DCC: variants seen among roughly 807,000 people sequenced by gnomAD.
The protein encoded by DCC is DCC netrin 1 receptor, also known as netrin receptor DCC.
Under a neutral mutation model 172.5 loss-of-function variants are expected in DCC, and 58 were observed. That is an observed-to-expected ratio of 0.34 (90% CI 0.27 to 0.42). DCC has a LOEUF of 0.42. Among genes scored for constraint, DCC ranks in the 10% least tolerant of loss-of-function variants. The pLI is 1.00. For missense variants in DCC, 1,740 were observed against 1,791.0 expected (o/e 0.97, Z 0.51); for synonymous variants, 709 against 644.5 (o/e 1.10, Z -1.52).
At chr18:53,175,696 G>T (rs890787035) in intron 8 of DCC, among the ~76,000 whole-genome samples, 1 of 152,072 alleles carries the variant, frequency 6.6e-6, no homozygotes, top group African/African-American at 2.4e-5. Context: ...ACAAATGGAA[G>T]AACATTCCAT....
chr18:53,186,259 A>G (rs1370207586), intron 9 of DCC, among the ~76,000 whole-genome samples: 1 of 152,206 alleles, frequency 6.6e-6, no homozygotes, highest in Non-Finnish European at 1.5e-5. Flanking sequence ...AAGTGTCATA[A>G]TAATTATTGG....
chr18:52,650,519 A>G (rs2035110576), intron 1 of DCC, among the ~76,000 whole-genome samples: 1 of 150,210 alleles, frequency 6.7e-6, no homozygotes, highest in Admixed American at 6.6e-5. Context: ...ATCCTTGCCA[A>G]CCTCTGTTTT....
intron 1 of DCC, among the ~76,000 whole-genome samples, chr18:52,495,423 A>G (rs989128413): frequency 6.6e-6 from 1 of 152,122 alleles, no homozygotes; most frequent in Non-Finnish European, 1.5e-5. Flanking sequence ...AGAATTGTCA[A>G]ATGCCCCAAG....
intron 1 of DCC, among the ~76,000 whole-genome samples, chr18:52,426,399 C>T (rs777191265): frequency 6.6e-6 from 1 of 150,642 alleles, no homozygotes; most frequent in Admixed American, 6.7e-5. Context: ...CCTTTGTAAA[C>T]TTAAACATAC....
At chr18:53,077,490 C>A (rs753870277) in intron 7 of DCC, among the ~76,000 whole-genome samples, 1 of 152,102 alleles carries the variant, frequency 6.6e-6, no homozygotes, top group Non-Finnish European at 1.5e-5. Context: ...GTCCTCTGGT[C>A]CCGTTTTTCC....
chr18:52,364,119 AC>A (rs1984739201), intron 1 of DCC, among the ~76,000 whole-genome samples: 1 of 152,182 alleles, frequency 6.6e-6, no homozygotes, highest in African/African-American at 2.4e-5. Flanking sequence ...TCTCCACCAC[AC>A]TGATGCTTAA....
Position 52,412,290 on chromosome 18 carries a change from A to G in DCC, c.91+71412A>G, listed in dbSNP as rs1235459111. Among the ~76,000 whole-genome samples the G allele has an allele frequency of 3.3e-5, 5 of 152,126 alleles. No homozygotes were observed. The East Asian group carries it at 7.7e-4, about 23-fold the overall frequency. On this transcript the variant is annotated intron_variant, in intron 1 of 28. Transcript: ENST00000442544. ...CTGTATACCAATTGATTTGACAGTC[A>G]TTCCTTACATGACTATCATGGTTAA...
At chr18:53,069,623 A>C (rs1019969226) in intron 7 of DCC, among the ~76,000 whole-genome samples, 8 of 150,240 alleles carry the variant, frequency 5.3e-5, no homozygotes, top group Admixed American at 2.0e-4. Flanking sequence ...ACAAAAACAA[A>C]AAAAAAAAAA....
chr18:53,220,883 A>G (rs2055921677), intron 12 of DCC, among the ~76,000 whole-genome samples: 1 of 152,170 alleles, frequency 6.6e-6, no homozygotes, highest in Admixed American at 6.6e-5. Flanking sequence ...GAGTAGGAGC[A>G]TAATTGTAAG....
intron 1 of DCC, among the ~76,000 whole-genome samples, chr18:52,718,138 G>A (rs1345343660): frequency 1.3e-5 from 2 of 152,168 alleles, no homozygotes; most frequent in African/African-American, 4.8e-5. Context: ...ACTTTGGTAA[G>A]ATTTATTGAG....
chr18:53,106,849 G>A (rs576744409), intron 7 of DCC, among the ~76,000 whole-genome samples: 74 of 151,936 alleles, frequency 4.9e-4, no homozygotes, highest in Non-Finnish European at 9.9e-4. Context: ...AAAATCATGG[G>A]GTAGATGTGC....
At chr18:53,429,644 G>T (rs537962104) in intron 21 of DCC, among the ~76,000 whole-genome samples, 1 of 151,976 alleles carries the variant, frequency 6.6e-6, no homozygotes, top group East Asian at 1.9e-4. Context: ...TTGCACTTTG[G>T]CTCAGAGTAG....
intron 1 of DCC, among the ~76,000 whole-genome samples, chr18:52,724,833 C>T (rs1312260735): frequency 6.6e-6 from 1 of 152,200 alleles, no homozygotes; most frequent in East Asian, 1.9e-4. Flanking sequence ...CCATTCTACA[C>T]AATTCCTTCC....
At chr18:52,867,667 C>T (rs866782453) in intron 2 of DCC, among the ~76,000 whole-genome samples, 52 of 152,142 alleles carry the variant, frequency 3.4e-4, no homozygotes, top group Admixed American at 8.5e-4. Flanking sequence ...AGTTTATTTG[C>T]GTAGAGGTGT....
chr18:53,054,378 T>TCA (rs1488784447), intron 5 of DCC, among the ~76,000 whole-genome samples: 2 of 151,962 alleles, frequency 1.3e-5, no homozygotes, highest in African/African-American at 4.8e-5. Flanking sequence ...ATATGTAGGC[T>TCA]CACACACACA....
chr18:52,541,875 G>GTGTATATATATA (rs1555695194), intron 1 of DCC, among the ~76,000 whole-genome samples: 22 of 115,184 alleles, frequency 1.9e-4, no homozygotes, highest in East Asian at 7.8e-4. Flanking sequence ...GTGTGTGTGT[G>GTGTATATATATA]TATATATATA....
intron 12 of DCC, among the ~76,000 whole-genome samples, chr18:53,246,966 G>C (rs955933801): frequency 1.3e-5 from 2 of 152,026 alleles, no homozygotes; most frequent in Non-Finnish European, 2.9e-5. Context: ...TTTCATATAA[G>C]GTGGTGGGAA....
intron 2 of DCC, among the ~76,000 whole-genome samples, chr18:52,779,314 A>G (rs1224760114): frequency 6.6e-6 from 1 of 151,882 alleles, no homozygotes; most frequent in East Asian, 1.9e-4. Context: ...AGTGGCGCAT[A>G]CCCCAACAGG....
chr18:53,054,869 C>G (rs1044529299), intron 5 of DCC, among the ~76,000 whole-genome samples: 12 of 152,120 alleles, frequency 7.9e-5, no homozygotes, highest in African/African-American at 2.7e-4. Flanking sequence ...AAAGGTCTAA[C>G]ATTTTATTTC....
Sources: gnomAD v4.1 joint callset for allele counts (sites outside exome capture counted in the v4.1 genomes callset) on GRCh38, gnomAD v4.1.1 for gene constraint, MANE v1.5 for transcripts, NCBI Gene and HGNC (gene_info 2026-07-23, HGNC 2026-07-21) for gene names.